Variants in CACNG4 observed in about 807,000 individuals in gnomAD.
CACNG4 encodes calcium voltage-gated channel auxiliary subunit gamma 4.
In CACNG4, 8 loss-of-function variants were observed where a neutral mutation model predicts 22.9. That is an observed-to-expected ratio of 0.35 (90% CI 0.21 to 0.63). The LOEUF (loss-of-function observed/expected upper bound fraction) is 0.63. Among genes scored for constraint, CACNG4 ranks in the 30% least tolerant of loss-of-function variants. CACNG4 has a pLI of 0.72. For synonymous variants in CACNG4, 188 were observed against 191.9 expected, an observed-to-expected ratio of 0.98 and a Z score of 0.17; for missense variants, 357 against 455.4, an observed-to-expected ratio of 0.78 and a Z score of 1.97.
chr17:67,005,489 T>A (rs1461518111), intron 1 of CACNG4, among the ~76,000 whole-genome samples: 4 of 152,080 alleles, frequency 2.6e-5, no homozygotes, highest in Non-Finnish European at 4.4e-5. Context: ...ATTCTTAGAG[T>A]CTAGGACCCA....
chr17:66,968,082 T>C (rs2035181320), intron 1 of CACNG4, among the ~76,000 whole-genome samples: 1 of 152,140 alleles, frequency 6.6e-6, no homozygotes, highest in South Asian at 2.1e-4. Context: ...GAGGACGCTG[T>C]CTTCACCCCC....
At chr17:67,011,081 A>G (rs901737466) in intron 1 of CACNG4, among the ~76,000 whole-genome samples, 1 of 152,240 alleles carries the variant, frequency 6.6e-6, no homozygotes, top group Non-Finnish European at 1.5e-5. Flanking sequence ...CTGGCTCTCT[A>G]GAACAATACA....
rs921696752 is a variant in CACNG4, at chr17:66,976,739, A to C, written c.220+11608A>C. 2.6e-5 allele frequency among the ~76,000 whole-genome samples: 4 copies of C among 151,734 alleles called. No individual in the cohort carries two copies. In the East Asian group the frequency reaches 7.8e-4, roughly 30 times the overall value. ...TGAGAAGCACAGCGGCCGTGCTCCC[A>C]CAGAGGCACCACACAGGACACAGTG... On this transcript the variant is annotated intron_variant, in intron 1 of 3. Coordinates refer to ENST00000262138, the MANE Select transcript of CACNG4 (RefSeq NM_014405.4).
chr17:66,972,055 G>A (rs940306659), intron 1 of CACNG4, among the ~76,000 whole-genome samples: 42 of 152,286 alleles, frequency 2.8e-4, no homozygotes, highest in Non-Finnish European at 2.9e-5. Flanking sequence ...GGGATGGCCC[G>A]GAGAAGGGGA....
At chr17:67,025,483 A>G (rs1194796812) in intron 3 of CACNG4, among the ~76,000 whole-genome samples, 1 of 152,226 alleles carries the variant, frequency 6.6e-6, no homozygotes, top group Non-Finnish European at 1.5e-5. Context: ...AGGGCCCGGA[A>G]TGGGCATGAG....
At chr17:67,023,576 T>C (rs1314264723) in intron 2 of CACNG4, among the ~76,000 whole-genome samples, 8 of 13,118 alleles carry the variant, frequency 6.1e-4, no homozygotes, top group Middle Eastern at 0.071. Context: ...CGCCCAGCCC[T>C]TTTTTTTTTT....
chr17:67,027,260 C>T lies in CACNG4; in HGVS notation c.445+2260C>T, dbSNP rs983241533. Among the ~76,000 whole-genome samples, 1 of 152,216 alleles carries T rather than the reference C, an allele frequency of 6.6e-6. No individual in the cohort carries two copies. Among genetic ancestry groups the T allele is most frequent in the African/African-American group, 2.4e-5 (1 of 41,454 alleles). ...AGCTGCCCGTGCCCCCAGGAGGAGCCGTTTCAAAGGCAGGCCCAGATGCTT... is the reference window on the plus strand; with the variant it reads ...AGCTGCCCGTGCCCCCAGGAGGAGCTGTTTCAAAGGCAGGCCCAGATGCTT... On this transcript the variant is annotated intron_variant, in intron 3 of 3. Transcript: ENST00000262138. This position sits in a 1 kb window ranked among gnomAD's most constrained non-coding sequence, Gnocchi z 4.3.
intron 1 of CACNG4, among the ~76,000 whole-genome samples, chr17:66,998,691 G>A (rs779719809): frequency 2.6e-4 from 39 of 152,314 alleles, no homozygotes; most frequent in Non-Finnish European, 3.7e-4. Flanking sequence ...CAGACCCTGG[G>A]CCTTGGGCAC....
intron 3 of CACNG4, among the ~76,000 whole-genome samples, chr17:67,026,169 T>G (rs543392621): frequency 7.1e-5 from 9 of 126,806 alleles, no homozygotes; most frequent in South Asian, 2.6e-4. Context: ...TGTGGTGTGT[T>G]TGTGTGTGAG....
chr17:67,027,060 C>A lies in CACNG4; in HGVS notation c.445+2060C>A, dbSNP rs565973361. ...GAGAATACTCCAGTCACATCAGAAA[C>A]CACAGTGGCCATGCCAGCGCTCTGT... On this transcript the variant is annotated intron_variant, in intron 3 of 3. Transcript: ENST00000262138. This position sits in a 1 kb window ranked among gnomAD's most constrained non-coding sequence, Gnocchi z 4.3. 1.3e-5 allele frequency among the ~76,000 whole-genome samples: 2 copies of A among 152,276 alleles called. No individual in the cohort carries two copies. Among genetic ancestry groups the A allele is most frequent in the East Asian group, 1.9e-4 (1 of 5,184 alleles).
chr17:67,024,954 C>T lies in CACNG4; in HGVS notation c.399C>T (p.Arg133=). ...TCGGTGCTGGCAGGATCTACAGCCG[C>T]AAGAACAACATCGTCCTCAGTGCCG... is the stretch of plus-strand genomic sequence containing the variant. ...LCIGAGRIYS[R]KNNIVLSAGI... The change falls in exon 3 of 4, where the codon CGC becomes CGT. Residue 133 remains arginine, a synonymous_variant. Transcript: ENST00000262138. 6.2e-7 allele frequency: 1 copy of T among 1,607,072 alleles called. No homozygotes were observed.
chr17:67,026,123 A>G (rs902322787), intron 3 of CACNG4, among the ~76,000 whole-genome samples: 1 of 138,812 alleles, frequency 7.2e-6, no homozygotes, highest in African/African-American at 2.8e-5. Flanking sequence ...GTGTGTGTGT[A>G]TTTGAGGACT....
intron 1 of CACNG4, among the ~76,000 whole-genome samples, chr17:67,011,234 C>T (rs2035466096): frequency 6.6e-6 from 1 of 152,188 alleles, no homozygotes. Flanking sequence ...TGGACTGAGT[C>T]TGGGGTTCTT....
Position 67,013,976 on chromosome 17 carries a change from G to A in CACNG4, c.221-4213G>A, listed in dbSNP as rs151319316. ...AGTCATAGAATCTTCAAGCAGGACC[G>A]TCTCCCTCTGGTCCAATTCCTAGGT... On this transcript the variant is annotated intron_variant, in intron 1 of 3. Transcript: ENST00000262138. 5.6e-3 allele frequency among the ~76,000 whole-genome samples: 856 copies of A among 152,236 alleles called. 6 individuals are homozygous for A. The highest frequency in any genetic ancestry group is 0.02 in the African/African-American group (832 of 41,544).
rs1022321716 is a variant in CACNG4 at position 66,984,823 on chromosome 17, C to T, written c.220+19692C>T. Among the ~76,000 whole-genome samples, 1 of 152,072 alleles carries T rather than the reference C, an allele frequency of 6.6e-6. No homozygotes were observed. Among genetic ancestry groups the T allele is most frequent in the Non-Finnish European group, 1.5e-5 (1 of 68,012 alleles). ...GCAGGGGCAGAGTTTGACTTGAACC[C>T]GAGCCTGAGTTTAGCCTCGAGCCTG... On this transcript the variant is annotated intron_variant, in intron 1 of 3. Coordinates refer to ENST00000262138, the MANE Select transcript of CACNG4 (RefSeq NM_014405.4). This position sits in a 1 kb window ranked among gnomAD's most constrained non-coding sequence, Gnocchi z 4.0.
At chr17:67,021,333 C>T (rs1285677211) in intron 2 of CACNG4, among the ~76,000 whole-genome samples, 1 of 152,224 alleles carries the variant, frequency 6.6e-6, no homozygotes. Flanking sequence ...GCAGCAGAAG[C>T]TTCCATGGTG....
intron 1 of CACNG4, among the ~76,000 whole-genome samples, chr17:67,001,850 C>T (rs1373642515): frequency 9.2e-5 from 14 of 152,316 alleles, no homozygotes; most frequent in South Asian, 4.1e-4. Flanking sequence ...GTGGGCAGGA[C>T]GCAGGCAGGA....
At chr17:66,990,729 G>A (rs1191635529) in intron 1 of CACNG4, among the ~76,000 whole-genome samples, 1 of 151,656 alleles carries the variant, frequency 6.6e-6, no homozygotes, top group Non-Finnish European at 1.5e-5. Flanking sequence ...CGCCCAGGCT[G>A]GAGTGCAGTG....
At chr17:66,966,421 TCTC>T (rs2035171616) in intron 1 of CACNG4, among the ~76,000 whole-genome samples, 3 of 151,872 alleles carry the variant, frequency 2.0e-5, no homozygotes, top group Non-Finnish European at 4.4e-5. Context: ...TTCGGGAAGT[TCTC>T]CCACACACCT....
Sources: allele counts gnomAD v4.1 joint callset (sites outside exome capture counted in the v4.1 genomes callset), GRCh38; gene constraint gnomAD v4.1.1; non-coding constraint Gnocchi (gnomAD v3.1); transcripts MANE v1.5; gene names NCBI Gene and HGNC (gene_info 2026-07-23, HGNC 2026-07-21).